ANKRD62: variants seen among roughly 807,000 people sequenced by gnomAD.
ANKRD62 encodes ankyrin repeat domain 62.
A neutral mutation model predicts 98.8 loss-of-function variants in ANKRD62; 61 were observed. That is an observed-to-expected ratio of 0.62 (90% confidence interval 0.50 to 0.76). The LOEUF (loss-of-function observed/expected upper bound fraction) is 0.76. Among genes scored for constraint, ANKRD62 ranks in the 30% least tolerant of loss-of-function variants. The probability of loss-of-function intolerance (pLI) is 0.00; values close to 1 mark genes in which losing one functional copy is unlikely to be tolerated. For synonymous variants in ANKRD62, 341 were observed against 367.9 expected (o/e 0.93, Z 0.84); for missense variants, 933 against 1,082.9 (o/e 0.86, Z 1.94).
chr18:12,173,084 G>A, the ANKRD62 span, among the ~76,000 whole-genome samples: 1 of 152,144 alleles, frequency 6.6e-6, no homozygotes, highest in African/African-American at 2.4e-5. Flanking sequence ...ACCCTGCTTT[G>A]GTTCATGCTC....
rs9951904 is a variant in ANKRD62, at chr18:12,128,934, T to C, written c.*995T>C. On this transcript the variant is annotated 3_prime_UTR_variant, in exon 14 of 14. Coordinates refer to ENST00000587848, the MANE Select transcript of ANKRD62 (RefSeq NM_001277333.2). ...AGAAATTAGCTGGGCATGGTGGTGG[T>C]GCACGCCTGTAGTCCCAGCTCCTCG... The C allele has an allele frequency of 0.61, 93,286 of 151,972 alleles. 29,072 individuals carry two copies. The highest frequency in any genetic ancestry group is 0.75 in the Middle Eastern group (222 of 296). The allele number at this position is 151,972 out of a possible 1,614,324, so 9.4% of individuals were successfully genotyped here.
At chr18:12,169,921 G>A in the ANKRD62 span, among the ~76,000 whole-genome samples, 5 of 152,134 alleles carry the variant, frequency 3.3e-5, no homozygotes, top group Non-Finnish European at 7.3e-5. Flanking sequence ...TTGCATAGAG[G>A]TGTTTATAGT....
chr18:12,094,040 T>C lies in ANKRD62; in HGVS notation c.23T>C (p.Leu8Pro), dbSNP rs1909108580. 6.5e-7 allele frequency: 1 copy of C among 1,535,000 alleles called. No homozygotes were observed. Among genetic ancestry groups the C allele is most frequent in the Non-Finnish European group, 8.7e-7 (1 of 1,146,738 alleles). MEVRGSFLAACRRRMATW... is the reference protein window; with the variant it reads MEVRGSFPAACRRRMATW... ...AGGATGGAGGTCAGGGGGTCGTTCCTGGCGGCCTGCAGGAGACGCATGGCT... is the reference window on the plus strand; with the variant it reads ...AGGATGGAGGTCAGGGGGTCGTTCCCGGCGGCCTGCAGGAGACGCATGGCT... The change falls in exon 1 of 14, where the codon CTG becomes CCG. Residue 8 changes from leucine (L) to proline (P), a missense_variant. By Grantham distance (98) the Leu-to-Pro change is moderately conservative (BLOSUM62 -3). This residue lies in a region of ANKRD62 where 549 missense variants were observed against 587.9 expected (regional missense o/e 0.93). Transcript: ENST00000587848.
chr18:12,167,578 T>C, the ANKRD62 span, among the ~76,000 whole-genome samples: 1 of 152,246 alleles, frequency 6.6e-6, no homozygotes, highest in East Asian at 1.9e-4. Flanking sequence ...CTATTGTGAA[T>C]AGTGCCACAA....
chr18:12,123,544 A>G (rs1909825708), intron 11 of ANKRD62, among the ~76,000 whole-genome samples: 1 of 152,340 alleles, frequency 6.6e-6, no homozygotes, highest in African/African-American at 2.4e-5. Flanking sequence ...TTGTTTGTAA[A>G]ATACATACTA....
chr18:12,111,431 A>T (rs1909537031), intron 8 of ANKRD62, among the ~76,000 whole-genome samples: 1 of 152,192 alleles, frequency 6.6e-6, no homozygotes, highest in African/African-American at 2.4e-5. Flanking sequence ...GCCGTATATG[A>T]CAAACCCACA....
chr18:12,163,945 G>A, the ANKRD62 span, among the ~76,000 whole-genome samples: 1 of 151,752 alleles, frequency 6.6e-6, no homozygotes, highest in Non-Finnish European at 1.5e-5. Context: ...TTATATCTAT[G>A]TATATCACAG....
At chr18:12,132,866 C>A (rs1335910425), downstream of ANKRD62, among the ~76,000 whole-genome samples, 1 of 152,038 alleles carries the variant, frequency 6.6e-6, no homozygotes, top group African/African-American at 2.4e-5. Context: ...ATCTTGTATT[C>A]TGTTTAAAAT....
intron 7 of ANKRD62, among the ~76,000 whole-genome samples, chr18:12,105,282 AAGAAT>A (rs1909388757): frequency 6.6e-6 from 1 of 152,264 alleles, no homozygotes; most frequent in South Asian, 2.1e-4. Context: ...ATAACTATAA[AAGAAT>A]AGAACTTGGA....
the ANKRD62 span, among the ~76,000 whole-genome samples, chr18:12,137,295 A>G: frequency 6.6e-6 from 1 of 152,300 alleles, no homozygotes; most frequent in East Asian, 1.9e-4. Flanking sequence ...TTCTGCATCT[A>G]TTGAGATAAT....
At chr18:12,096,953 G>T (rs1349896479) in intron 4 of ANKRD62, among the ~76,000 whole-genome samples, 2 of 152,096 alleles carry the variant, frequency 1.3e-5, no homozygotes, top group African/African-American at 4.8e-5. Flanking sequence ...AACTTTTAAT[G>T]ACTACAAGCC....
At chr18:12,181,505 A>C in the ANKRD62 span, among the ~76,000 whole-genome samples, 1 of 152,232 alleles carries the variant, frequency 6.6e-6, no homozygotes, top group Non-Finnish European at 1.5e-5. Context: ...ACATTAATTT[A>C]TTTATAACAC....
the ANKRD62 span, among the ~76,000 whole-genome samples, chr18:12,168,769 G>A: frequency 0.61 from 93,316 of 151,892 alleles, 29,078 homozygotes; most frequent in Middle Eastern, 0.76. Flanking sequence ...AACCATGAGC[G>A]TGGGAAGTTC....
At chr18:12,167,814 A>T in the ANKRD62 span, among the ~76,000 whole-genome samples, 3 of 152,250 alleles carry the variant, frequency 2.0e-5, no homozygotes, top group East Asian at 5.8e-4. Flanking sequence ...GACTTTAAGG[A>T]TTGCCATTCT....
intron 6 of ANKRD62, 86 bp downstream of exon 6, chr18:12,099,768 A>T: frequency 1.6e-6 from 1 of 643,274 alleles, no homozygotes; most frequent in Non-Finnish European, 2.3e-6. Flanking sequence ...ACAAAACAGC[A>T]GTTTAAAAAA....
the ANKRD62 span, among the ~76,000 whole-genome samples, chr18:12,150,381 T>C: frequency 2.0e-5 from 3 of 152,226 alleles, no homozygotes; most frequent in Non-Finnish European, 4.4e-5. Flanking sequence ...GAAAACCTAT[T>C]TCAGTATATT....
chr18:12,168,963 T>G, the ANKRD62 span, among the ~76,000 whole-genome samples: 2 of 152,198 alleles, frequency 1.3e-5, no homozygotes, highest in African/African-American at 4.8e-5. Context: ...AGAATGCCTG[T>G]GATTTTTATA....
chr18:12,140,255 T>C, the ANKRD62 span, among the ~76,000 whole-genome samples: 2 of 152,182 alleles, frequency 1.3e-5, no homozygotes, highest in African/African-American at 4.8e-5. Flanking sequence ...CATCTAATTT[T>C]TTTTCAAAGT....
Position 12,093,996 on chromosome 18 carries a change from G to A in ANKRD62, c.-22G>A, listed in dbSNP as rs1568056247. 9.1e-6 allele frequency: 14 copies of A among 1,534,050 alleles called. No individual in the cohort carries two copies. Among genetic ancestry groups the A allele is most frequent in the Non-Finnish European group, 1.2e-5 (14 of 1,146,310 alleles). ...TGTCTTAAAGCCGTTCCTCAGCCTG[G>A]GAGAAGATCTCTGGCTTCAGGATGG... On this transcript the variant is annotated 5_prime_UTR_variant, in exon 1 of 14. Coordinates refer to ENST00000587848, the MANE Select transcript of ANKRD62 (RefSeq NM_001277333.2).
Sources: allele counts gnomAD v4.1 joint callset (sites outside exome capture counted in the v4.1 genomes callset), GRCh38; gene constraint gnomAD v4.1.1; regional missense constraint gnomAD v4.1.1; transcripts MANE v1.5; gene names NCBI Gene and HGNC (gene_info 2026-07-23, HGNC 2026-07-21).